Variants in ADAM7 observed in about 807,000 individuals in gnomAD.
The protein encoded by ADAM7 is ADAM metallopeptidase domain 7.
A neutral mutation model predicts 102.9 loss-of-function variants in ADAM7; 97 were observed. The ratio of observed to expected loss-of-function variants is 0.94; its 90% confidence interval spans 0.80 to 1.12. ADAM7 has a LOEUF of 1.12. Among genes scored for constraint, ADAM7 ranks in the 50% most tolerant of loss-of-function variants. The probability of loss-of-function intolerance (pLI) is 0.00; values close to 1 mark genes in which losing one functional copy is unlikely to be tolerated. For synonymous variants in ADAM7, 334 were observed against 304.4 expected (o/e 1.10, Z -1.01); for missense variants, 991 against 908.7 (o/e 1.09, Z -1.16).
At position 24,500,843 on chromosome 8, in the gene ADAM7, C is replaced by G; in HGVS notation, c.2056C>G (p.Leu686Val). Residue 686 changes from leucine (L) to valine (V), a missense_variant, in exon 19 of 22, where the codon CTT becomes GTT. Leu to Val is a conservative substitution (Grantham distance 32). Transcript: ENST00000175238. ...LVLVIVGIGV[L>V]ILLVRYRKCI... ...CCTGGTTATTGTCGGTATCGGAGTT[C>G]TTATACTATTAGTTCGTTACCGAAA... 6.2e-7 allele frequency: 1 copy of G among 1,613,282 alleles called. No individual in the cohort carries two copies.
At chr8:24,500,692 A>G in intron 18 of ADAM7, 98 bp from the exon 19 acceptor site, 1 of 897,774 alleles carries the variant, frequency 1.1e-6, no homozygotes, top group South Asian at 1.9e-5. Context: ...GTTCTATAGA[A>G]AGGAATAAGG....
intron 3 of ADAM7, among the ~76,000 whole-genome samples, chr8:24,455,203 T>C (rs759145805): frequency 8.5e-5 from 13 of 152,232 alleles, no homozygotes; most frequent in Non-Finnish European, 1.5e-4. Flanking sequence ...CGCTAACATA[T>C]ACATATACCC....
intron 20 of ADAM7, among the ~76,000 whole-genome samples, chr8:24,501,831 T>G (rs1336476576): frequency 6.6e-6 from 1 of 152,074 alleles, no homozygotes; most frequent in Non-Finnish European, 1.5e-5. Flanking sequence ...CATACTAATT[T>G]GTGCACTATT....
At position 24,490,836 on chromosome 8, in the gene ADAM7, T is replaced by C; in HGVS notation, c.1304T>C (p.Val435Ala). The change falls in exon 13 of 22, where the codon GTA (valine) becomes GCA (alanine). Residue 435 changes from valine to alanine, a missense_variant. Transcript: ENST00000175238. ...CCTTGCTGTGATGCACACACATGTGTACTGAAGCCAGGATTTACTTGTGCA... is the reference window on the plus strand; with the variant it reads ...CCTTGCTGTGATGCACACACATGTGCACTGAAGCCAGGATTTACTTGTGCA... Reference protein sequence around the residue: ...TNPCCDAHTCVLKPGFTCAEG... With the variant: ...TNPCCDAHTCALKPGFTCAEG... 6.2e-7 allele frequency: 1 copy of C among 1,613,866 alleles called. No individual in the cohort carries two copies. The highest frequency in any genetic ancestry group is 1.3e-5 in the African/African-American group (1 of 75,028).
In ADAM7 at chr8:24,465,723, A is replaced by G. The variant is rs777746470; in HGVS notation, c.337A>G (p.Ile113Val). Reference sequence around the variant, plus strand: ...GGATCATTGTTTTTACCAAGGATCCATAGTACACGAATATGATTCAGCTGC... The same window carrying G: ...GGATCATTGTTTTTACCAAGGATCCGTAGTACACGAATATGATTCAGCTGC... Reference protein sequence around the residue: ...IMDHCFYQGSIVHEYDSAASI... With the variant: ...IMDHCFYQGSVVHEYDSAASI... Residue 113 changes from isoleucine to valine, a missense_variant, in exon 5 of 22, where the codon ATA becomes GTA. Physicochemically the swap from Ile to Val is conservative, Grantham distance 29. Transcript: ENST00000175238. 9 of 1,609,624 alleles carry G rather than the reference A, an allele frequency of 5.6e-6. No individual in the cohort carries two copies. Among genetic ancestry groups the G allele is most frequent in the Non-Finnish European group, 7.6e-6 (9 of 1,177,884 alleles).
intron 20 of ADAM7, among the ~76,000 whole-genome samples, chr8:24,504,767 T>C (rs928795405): frequency 6.6e-6 from 1 of 152,060 alleles, no homozygotes; most frequent in African/African-American, 2.4e-5. Flanking sequence ...CCCCACTCTA[T>C]CCCCCAGAAC....
intron 16 of ADAM7, among the ~76,000 whole-genome samples, chr8:24,495,807 TCA>T (rs944408355): frequency 7.2e-5 from 11 of 152,260 alleles, no homozygotes; most frequent in Non-Finnish European, 7.3e-5. Context: ...TTAAATGCAT[TCA>T]GTTTTATAAG....
intron 2 of ADAM7, 109 bp downstream of exon 2, chr8:24,442,685 T>C: frequency 1.2e-6 from 1 of 855,084 alleles, no homozygotes; most frequent in South Asian, 1.4e-5. Context: ...TCAATTTTTC[T>C]AAGGACTCCC....
chr8:24,476,543 C>T (rs1243434970), intron 8 of ADAM7, 39 bp downstream of exon 8: 12 of 1,505,176 alleles, frequency 8.0e-6, no homozygotes, highest in Middle Eastern at 1.7e-4. Flanking sequence ...GCCAATAATA[C>T]GAATGCAAAG....
rs940134333 is a variant in ADAM7 at position 24,506,310 on chromosome 8, T to G, written c.2209-1170T>G. Among the ~76,000 whole-genome samples the G allele has an allele frequency of 7.9e-4, 120 of 152,176 alleles. 1 individual carries two copies. Among genetic ancestry groups the G allele is most frequent in the African/African-American group, 2.8e-3 (116 of 41,514 alleles). ...AGGTAGAAATGGGACACTCTGACACTCTGGCATAGAGACCTACTTCTTAAC... is the reference window on the plus strand; with the variant it reads ...AGGTAGAAATGGGACACTCTGACACGCTGGCATAGAGACCTACTTCTTAAC... On this transcript the variant is annotated intron_variant, in intron 20 of 21. Transcript: ENST00000175238.
In ADAM7 at chr8:24,487,179, A is replaced by G. The variant is rs1172289626; in HGVS notation, c.961-8A>G. Reference sequence around the variant, plus strand: ...TGAAAATTTCTAATGCAATTGTTTTATCATCAGGATCTTTTACCTGACACA... The same window carrying G: ...TGAAAATTTCTAATGCAATTGTTTTGTCATCAGGATCTTTTACCTGACACA... On this transcript the variant is annotated splice_region_variant and splice_polypyrimidine_tract_variant and intron_variant, in intron 10 of 21. Transcript: ENST00000175238. 6.2e-7 allele frequency: 1 copy of G among 1,612,862 alleles called. No individual in the cohort carries two copies. Among genetic ancestry groups the G allele is most frequent in the Non-Finnish European group, 8.5e-7 (1 of 1,179,346 alleles).
intron 3 of ADAM7, among the ~76,000 whole-genome samples, chr8:24,453,359 C>T (rs1000332767): frequency 7.2e-5 from 11 of 152,040 alleles, no homozygotes; most frequent in Admixed American, 7.2e-4. Flanking sequence ...TCTTTTTATT[C>T]TTTTTTCTCT....
At chr8:24,482,487 T>C (rs1475801807) in intron 9 of ADAM7, among the ~76,000 whole-genome samples, 176 bp downstream of exon 9, 1 of 152,148 alleles carries the variant, frequency 6.6e-6, no homozygotes, top group East Asian at 1.9e-4. Flanking sequence ...GTAGCATATA[T>C]CTTTAATCCC....
At chr8:24,482,709 A>G (rs927838401) in intron 9 of ADAM7, among the ~76,000 whole-genome samples, 10 of 152,150 alleles carry the variant, frequency 6.6e-5, no homozygotes, top group African/African-American at 2.4e-4. Context: ...TGGTTGTGCC[A>G]CTGCACTCCA....
intron 1 of ADAM7, among the ~76,000 whole-genome samples, chr8:24,442,104 G>A (rs1818393266): frequency 6.6e-6 from 1 of 152,170 alleles, no homozygotes; most frequent in African/African-American, 2.4e-5. Context: ...AACCGGGGAG[G>A]CGGAGGTTGC....
At chr8:24,502,586 G>A (rs1188515136) in intron 20 of ADAM7, among the ~76,000 whole-genome samples, 1 of 151,878 alleles carries the variant, frequency 6.6e-6, no homozygotes, top group African/African-American at 2.4e-5. Flanking sequence ...ATATTAAGTT[G>A]ATAATTAGAA....
At chr8:24,484,867 A>G (rs1820081092) in intron 9 of ADAM7, among the ~76,000 whole-genome samples, 1 of 136,068 alleles carries the variant, frequency 7.3e-6, no homozygotes, top group Non-Finnish European at 1.5e-5. Context: ...GAGCAGTAGC[A>G]TGATCTCAGT....
chr8:24,452,209 A>G (rs567441664), intron 3 of ADAM7, among the ~76,000 whole-genome samples: 6,505 of 150,578 alleles, frequency 0.043, 194 homozygotes, highest in African/African-American at 0.059. Flanking sequence ...TATCCTTGTT[A>G]ACTTTCTGTC....
chr8:24,461,687 T>G (rs1287182897), intron 3 of ADAM7, among the ~76,000 whole-genome samples: 1 of 152,154 alleles, frequency 6.6e-6, no homozygotes, highest in Non-Finnish European at 1.5e-5. Context: ...AGCTCTTTTT[T>G]TTCTGTCTCT....
Sources: gnomAD v4.1 joint callset for allele counts (sites outside exome capture counted in the v4.1 genomes callset) on GRCh38, gnomAD v4.1.1 for gene constraint, MANE v1.5 for transcripts, NCBI Gene and HGNC (gene_info 2026-07-23, HGNC 2026-07-21) for gene names.